DCLK1: variants seen among roughly 807,000 people sequenced by gnomAD.
DCLK1 encodes the protein serine/threonine-protein kinase DCLK1.
In DCLK1, 16 loss-of-function variants were observed where a neutral mutation model predicts 86.2. The ratio of observed to expected loss-of-function variants is 0.19; its 90% CI spans 0.13 to 0.28. The LOEUF (loss-of-function observed/expected upper bound fraction) is 0.28, where lower values mean the gene tolerates loss of function less well. Among genes scored for constraint, DCLK1 ranks in the 10% least tolerant of loss-of-function variants. The pLI, the probability that DCLK1 is intolerant of heterozygous loss-of-function variation, is 1.00. For missense variants in DCLK1, 590 were observed against 940.2 expected (o/e 0.63, Z 4.87); for synonymous variants, 369 against 370.5 (o/e 1.00, Z 0.05).
intron 4 of DCLK1, among the ~76,000 whole-genome samples, chr13:35,901,928 G>T (rs1294316472): frequency 6.6e-6 from 1 of 152,028 alleles, no homozygotes; most frequent in African/African-American, 2.4e-5. Flanking sequence ...GGAGAATAGT[G>T]AGGAAGGGAA....
chr13:35,798,188 C>T (rs914096689), intron 15 of DCLK1, among the ~76,000 whole-genome samples: 2 of 152,092 alleles, frequency 1.3e-5, no homozygotes, highest in African/African-American at 4.8e-5. Flanking sequence ...TCCTGGTCTC[C>T]ATTTCTCTAG....
intron 3 of DCLK1, among the ~76,000 whole-genome samples, chr13:36,002,760 C>T (rs1285203035): frequency 6.6e-6 from 1 of 152,194 alleles, no homozygotes; most frequent in African/African-American, 2.4e-5. Flanking sequence ...TTTCAACCAT[C>T]CACCATCCTT....
At chr13:35,845,680 T>G (rs1364162591) in intron 6 of DCLK1, among the ~76,000 whole-genome samples, 1 of 152,224 alleles carries the variant, frequency 6.6e-6, no homozygotes, top group African/African-American at 2.4e-5. Context: ...AACAGAATTT[T>G]TCATCAAATA....
chr13:36,100,555 A>T (rs1255543720), intron 3 of DCLK1, among the ~76,000 whole-genome samples: 1 of 152,192 alleles, frequency 6.6e-6, no homozygotes, highest in Non-Finnish European at 1.5e-5. Flanking sequence ...GGTTCTTTGT[A>T]TACAGACCCC....
intron 3 of DCLK1, among the ~76,000 whole-genome samples, chr13:36,081,319 A>C (rs1349072946): frequency 6.6e-6 from 1 of 152,164 alleles, no homozygotes; most frequent in African/African-American, 2.4e-5. Context: ...AAACAATGTG[A>C]AGTTTGAAGA....
In DCLK1 at chr13:35,890,194, A is replaced by G. The variant is rs544156880; in HGVS notation, c.824-18854T>C. On this transcript the variant is annotated intron_variant, in intron 4 of 16. Coordinates refer to ENST00000360631, the MANE Select transcript of DCLK1 (RefSeq NM_001330071.2). ...AACTCTCTCTCCCCCACTTCCTCTC[A>G]CTCTTAGTTCAATACGCTATAGATA... is the stretch of plus-strand genomic sequence containing the variant. 1.1e-4 allele frequency among the ~76,000 whole-genome samples: 17 copies of G among 151,994 alleles called. No homozygotes were observed. In the East Asian group the frequency reaches 3.3e-3, roughly 29 times the overall value.
chr13:36,014,519 A>G (rs1296658519), intron 3 of DCLK1, among the ~76,000 whole-genome samples: 4 of 152,200 alleles, frequency 2.6e-5, no homozygotes, highest in African/African-American at 7.2e-5. Context: ...GTGAATGACT[A>G]ACTAATCTAA....
At chr13:36,127,468 A>C (rs1886226900) in intron 1 of DCLK1, among the ~76,000 whole-genome samples, 1 of 152,342 alleles carries the variant, frequency 6.6e-6, no homozygotes, top group Admixed American at 6.5e-5. Flanking sequence ...GTAAGCTTGA[A>C]AAATCTACTT....
intron 3 of DCLK1, among the ~76,000 whole-genome samples, chr13:36,054,988 G>A (rs1883251485): frequency 1.3e-5 from 2 of 152,178 alleles, no homozygotes; most frequent in South Asian, 4.1e-4. Context: ...AAGGGGTAAT[G>A]AGCACTCAAA....
At chr13:35,881,158 T>C (rs1022982628) in intron 4 of DCLK1, among the ~76,000 whole-genome samples, 4 of 152,180 alleles carry the variant, frequency 2.6e-5, no homozygotes, top group Non-Finnish European at 5.9e-5. Context: ...AAGTCAGACT[T>C]GCAGAAAAAT....
At chr13:35,806,243 G>T (rs1297252316) in intron 14 of DCLK1, among the ~76,000 whole-genome samples, 3 of 152,056 alleles carry the variant, frequency 2.0e-5, no homozygotes, top group Non-Finnish European at 4.4e-5. Context: ...TGAAAGAAAG[G>T]TATGAGGAAA....
At chr13:35,776,435 G>A (rs1313290924) in intron 16 of DCLK1, among the ~76,000 whole-genome samples, 1 of 152,186 alleles carries the variant, frequency 6.6e-6, no homozygotes, top group Non-Finnish European at 1.5e-5. Context: ...AAAGAAAAAA[G>A]TCATTGGCAT....
At chr13:35,948,543 C>T (rs549771779) in intron 3 of DCLK1, among the ~76,000 whole-genome samples, 8 of 152,230 alleles carry the variant, frequency 5.3e-5, no homozygotes, top group South Asian at 2.1e-4. Context: ...GAATGCTACT[C>T]GGACACATTA....
In DCLK1 at chr13:35,849,750, A is replaced by G. The variant is rs533990183; in HGVS notation, c.1035+4749T>C. 8.1e-6 allele frequency: 8 copies of G among 985,358 alleles called. No homozygotes were observed. In the South Asian group the frequency reaches 3.3e-4, roughly 41 times the overall value. The allele number at this position is 985,358 out of a possible 1,614,324, so 61.0% of individuals were successfully genotyped here. The stretch of plus-strand genomic sequence containing the variant: ...ACACCAGCAAGATTGAGAATTTTTC[A>G]GAGTGGAGATTTGGATACTCTGGGC... On this transcript the variant is annotated intron_variant, in intron 6 of 16. Transcript: ENST00000360631.
chr13:35,953,497 A>G (rs1287644152), intron 3 of DCLK1, among the ~76,000 whole-genome samples: 2 of 152,152 alleles, frequency 1.3e-5, no homozygotes, highest in African/African-American at 4.8e-5. Context: ...CAAGGAAGAC[A>G]TATTCCTTTT....
chr13:36,070,138 G>GA (rs966516344), intron 3 of DCLK1, among the ~76,000 whole-genome samples: 19 of 151,868 alleles, frequency 1.3e-4, no homozygotes, highest in Admixed American at 9.2e-4. Context: ...CTGAAAAGTT[G>GA]AAAAAAAATA....
intron 3 of DCLK1, among the ~76,000 whole-genome samples, chr13:36,096,866 C>T (rs1044846070): frequency 6.6e-6 from 1 of 152,116 alleles, no homozygotes; most frequent in Non-Finnish European, 1.5e-5. Flanking sequence ...TTCCATCCTG[C>T]CATGAACATG....
At chr13:36,087,955 G>A (rs1884671257) in intron 3 of DCLK1, among the ~76,000 whole-genome samples, 1 of 152,190 alleles carries the variant, frequency 6.6e-6, no homozygotes, top group Non-Finnish European at 1.5e-5. Context: ...GCACTAGAGT[G>A]CCCATGAGCA....
rs202173800 is a variant in DCLK1 at position 35,828,674 on chromosome 13, TCAAAA to T, written c.1230-372_1230-368del. On this transcript the variant is annotated intron_variant, in intron 8 of 16. Coordinates refer to ENST00000360631, the MANE Select transcript of DCLK1 (RefSeq NM_001330071.2). ...TTCTAATAAACTTCCACTCCTGCTC[TCAAAA>T]CAAAACACTAGCATTGCTAGTGTGT... Among the ~76,000 whole-genome samples the T allele has an allele frequency of 1.4e-4, 18 of 127,660 alleles. 1 individual carries two copies. The highest frequency in any genetic ancestry group is 2.3e-4 in the Admixed American group (3 of 13,258). The allele number at this position is 127,660 out of a possible 152,430, so 83.7% of individuals were successfully genotyped here. A position where few individuals can be genotyped will look rare whatever the true frequency, so the allele number is the denominator to read the frequency against.
Sources: allele counts gnomAD v4.1 joint callset (sites outside exome capture counted in the v4.1 genomes callset), GRCh38; gene constraint gnomAD v4.1.1; transcripts MANE v1.5; gene names NCBI Gene and HGNC (gene_info 2026-07-23, HGNC 2026-07-21).